Variants in JARID2 observed in about 807,000 individuals in gnomAD.
The protein encoded by JARID2 is jumonji and AT-rich interaction domain containing 2, also known as protein Jumonji.
In JARID2, 21 loss-of-function variants were observed where a neutral mutation model predicts 125.6. That is an observed-to-expected ratio of 0.17 (90% CI 0.12 to 0.24). The LOEUF (loss-of-function observed/expected upper bound fraction) is 0.24, where lower values mean the gene tolerates loss of function less well. Ranked by LOEUF, JARID2 falls within the 10% of genes least tolerant of loss-of-function variation. The pLI, the probability that JARID2 is intolerant of heterozygous loss-of-function variation, is 1.00. For missense variants in JARID2, 1,303 were observed against 1,639.6 expected (o/e 0.79, Z 3.55); for synonymous variants, 736 against 661.6 (o/e 1.11, Z -1.73).
At chr6:15,249,818 G>A (rs1759369987) in intron 1 of JARID2, among the ~76,000 whole-genome samples, 1 of 152,150 alleles carries the variant, frequency 6.6e-6, no homozygotes, top group South Asian at 2.1e-4. Flanking sequence ...CTCATAAGTT[G>A]CAGTGTAATC....
At chr6:15,366,284 A>G (rs1429900474) in intron 1 of JARID2, among the ~76,000 whole-genome samples, 1 of 151,900 alleles carries the variant, frequency 6.6e-6, no homozygotes, top group Non-Finnish European at 1.5e-5. Flanking sequence ...ATAGCAATCA[A>G]TCCTTTCCTT....
intron 2 of JARID2, among the ~76,000 whole-genome samples, chr6:15,395,487 G>T (rs554325561): frequency 6.6e-6 from 1 of 151,830 alleles, no homozygotes; most frequent in Non-Finnish European, 1.5e-5. Flanking sequence ...GGATGGTCTC[G>T]ATCTCCTGAC....
chr6:15,292,619 A>T (rs1373510826), intron 1 of JARID2, among the ~76,000 whole-genome samples: 1 of 152,204 alleles, frequency 6.6e-6, no homozygotes, highest in African/African-American at 2.4e-5. Flanking sequence ...AATATTAAAA[A>T]TGGAACCAGA....
chr6:15,390,460 T>A (rs922206952), intron 2 of JARID2, among the ~76,000 whole-genome samples: 1 of 152,072 alleles, frequency 6.6e-6, no homozygotes, highest in Non-Finnish European at 1.5e-5. Context: ...CCTTCTGGGG[T>A]CTCCCTTTAT....
chr6:15,470,853 C>A (rs1769042137), intron 5 of JARID2, among the ~76,000 whole-genome samples: 1 of 152,064 alleles, frequency 6.6e-6, no homozygotes. Context: ...GGGACTGTTG[C>A]CTGTTGTTCC....
intron 3 of JARID2, among the ~76,000 whole-genome samples, chr6:15,418,707 G>C (rs533798717): frequency 2.0e-5 from 3 of 152,022 alleles, no homozygotes; most frequent in African/African-American, 7.3e-5. Context: ...TTTAAACACT[G>C]TTTGTCCTAT....
chr6:15,272,480 G>A (rs1760335052), intron 1 of JARID2, among the ~76,000 whole-genome samples: 1 of 152,188 alleles, frequency 6.6e-6, no homozygotes, highest in Admixed American at 6.5e-5. Context: ...AGCTACCATT[G>A]ATTGAATGTA....
chr6:15,473,959 G>A (rs1769219187), intron 5 of JARID2, among the ~76,000 whole-genome samples: 1 of 152,334 alleles, frequency 6.6e-6, no homozygotes, highest in East Asian at 1.9e-4. Flanking sequence ...AGTCAGCTTT[G>A]AAGAAAGCTA....
rs557611527 is a variant in JARID2, at chr6:15,361,382, C to T, written c.46-12735C>T. Among the ~76,000 whole-genome samples, 4 of 152,288 alleles carry T rather than the reference C, an allele frequency of 2.6e-5. No individual in the cohort carries two copies. The East Asian group carries it at 7.7e-4, about 29-fold the overall frequency. On this transcript the variant is annotated intron_variant, in intron 1 of 17. Coordinates refer to ENST00000341776, the MANE Select transcript of JARID2 (RefSeq NM_004973.4). ...TTTGCTCCGAAGTCTCCAGTGGTTTCCCATTTAGAGCAAATTTCTTATCTC... is the reference window on the plus strand; with the variant it reads ...TTTGCTCCGAAGTCTCCAGTGGTTTTCCATTTAGAGCAAATTTCTTATCTC...
chr6:15,397,887 C>T (rs1360371954), intron 2 of JARID2, among the ~76,000 whole-genome samples: 3 of 152,104 alleles, frequency 2.0e-5, no homozygotes, highest in Non-Finnish European at 4.4e-5. Flanking sequence ...AAACTAGAAG[C>T]GCCTTAGATG....
At chr6:15,451,481 G>A (rs961653761) in intron 3 of JARID2, among the ~76,000 whole-genome samples, 9 of 152,016 alleles carry the variant, frequency 5.9e-5, no homozygotes, top group African/African-American at 1.9e-4. Flanking sequence ...TGAACTTTTC[G>A]TGGCCGAATT....
At chr6:15,292,970 C>T (rs1221780829) in intron 1 of JARID2, among the ~76,000 whole-genome samples, 2 of 152,176 alleles carry the variant, frequency 1.3e-5, no homozygotes, top group Non-Finnish European at 2.9e-5. Context: ...CCATGCCCAG[C>T]CTAAGTTGTA....
chr6:15,406,194 G>A (rs1765642720), intron 2 of JARID2, among the ~76,000 whole-genome samples: 1 of 152,166 alleles, frequency 6.6e-6, no homozygotes, highest in Admixed American at 6.5e-5. Flanking sequence ...CTAGCACTTT[G>A]GGAGGCTGAG....
chr6:15,371,472 G>A (rs1433399684), intron 1 of JARID2, among the ~76,000 whole-genome samples: 1 of 152,184 alleles, frequency 6.6e-6, no homozygotes, highest in Admixed American at 6.5e-5. Flanking sequence ...AATAGACTGA[G>A]GCTGCTGAAG....
intron 1 of JARID2, among the ~76,000 whole-genome samples, chr6:15,253,650 T>G (rs1235561550): frequency 6.6e-6 from 1 of 152,084 alleles, no homozygotes; most frequent in Non-Finnish European, 1.5e-5. Flanking sequence ...ACAGTTTGTC[T>G]TGCCACAGAT....
chr6:15,473,309 G>A (rs1769165878), intron 5 of JARID2, among the ~76,000 whole-genome samples: 1 of 152,158 alleles, frequency 6.6e-6, no homozygotes, highest in African/African-American at 2.4e-5. Flanking sequence ...TAGCACAGAT[G>A]AACACGGCAA....
At chr6:15,300,208 C>G (rs1490542191) in intron 1 of JARID2, among the ~76,000 whole-genome samples, 1 of 152,144 alleles carries the variant, frequency 6.6e-6, no homozygotes, top group Non-Finnish European at 1.5e-5. Flanking sequence ...GATGGGTGTT[C>G]TGTCCTGTTT....
At chr6:15,337,705 TTC>T (rs1189831027) in intron 1 of JARID2, among the ~76,000 whole-genome samples, 1 of 151,984 alleles carries the variant, frequency 6.6e-6, no homozygotes, top group East Asian at 1.9e-4. Context: ...CTTAAACTGT[TTC>T]TCTCTTTTTT....
intron 6 of JARID2, among the ~76,000 whole-genome samples, chr6:15,493,552 A>G (rs1770259318): frequency 6.6e-6 from 1 of 152,164 alleles, no homozygotes; most frequent in Non-Finnish European, 1.5e-5. Flanking sequence ...GCACCCCTAC[A>G]GGTTAAAAGG....
Sources: allele counts gnomAD v4.1 joint callset (sites outside exome capture counted in the v4.1 genomes callset), GRCh38; gene constraint gnomAD v4.1.1; transcripts MANE v1.5; gene names NCBI Gene and HGNC (gene_info 2026-07-23, HGNC 2026-07-21).